Variants in PAX7 observed in about 807,000 individuals in gnomAD.
The protein encoded by PAX7 is paired box 7.
Under a neutral mutation model 50.7 loss-of-function variants are expected in PAX7, and 18 were observed. That is an observed-to-expected ratio of 0.36 (90% CI 0.25 to 0.53). The LOEUF is 0.53. Among genes scored for constraint, PAX7 ranks in the 20% least tolerant of loss-of-function variants. PAX7 has a pLI of 0.93. For missense variants in PAX7, 644 were observed against 702.9 expected (o/e 0.92, Z 0.95); for synonymous variants, 310 against 290.4 (o/e 1.07, Z -0.69).
intron 7 of PAX7, among the ~76,000 whole-genome samples, chr1:18,704,428 C>T (rs912186609): frequency 6.6e-6 from 1 of 152,138 alleles, no homozygotes; most frequent in Non-Finnish European, 1.5e-5. Flanking sequence ...CGAGACCAGC[C>T]TGGCCAGTAC....
At chr1:18,732,434 C>T (rs1030554946) in intron 7 of PAX7, among the ~76,000 whole-genome samples, 8 of 152,194 alleles carry the variant, frequency 5.3e-5, no homozygotes, top group Non-Finnish European at 1.0e-4. Flanking sequence ...ACTACAGAGA[C>T]GGACAAAATG....
At chr1:18,713,468 A>G (rs1173431668) in intron 7 of PAX7, among the ~76,000 whole-genome samples, 2 of 152,210 alleles carry the variant, frequency 1.3e-5, no homozygotes. Context: ...CATTCTCAGG[A>G]GGATTTTGAG....
At chr1:18,722,630 G>T (rs1463072911) in intron 7 of PAX7, among the ~76,000 whole-genome samples, 1 of 152,182 alleles carries the variant, frequency 6.6e-6, no homozygotes, top group Admixed American at 6.5e-5. Flanking sequence ...TGTGGGTGAG[G>T]CGGCAGGGCG....
intron 8 of PAX7, among the ~76,000 whole-genome samples, chr1:18,743,791 C>A (rs1931281051): frequency 6.6e-6 from 1 of 152,224 alleles, no homozygotes; most frequent in African/African-American, 2.4e-5. Context: ...AGGCAGGTAC[C>A]TGGCTGAGTT....
chr1:18,693,274 A>T (rs2089102360), intron 5 of PAX7, among the ~76,000 whole-genome samples: 1 of 152,144 alleles, frequency 6.6e-6, no homozygotes, highest in African/African-American at 2.4e-5. Flanking sequence ...CCCGGCACCC[A>T]CTTGGTGCCA....
At chr1:18,696,071 T>C (rs961254756) in intron 5 of PAX7, among the ~76,000 whole-genome samples, 7 of 150,208 alleles carry the variant, frequency 4.7e-5, no homozygotes, top group East Asian at 1.9e-4. Flanking sequence ...TTTTCTTTTT[T>C]TTTTTTTTTT....
At chr1:18,702,992 G>A (rs1416465) in intron 6 of PAX7, 102 bp from the exon 7 acceptor site, 99,543 of 1,071,222 alleles carry the variant, frequency 0.093, 5,224 homozygotes, top group Admixed American at 0.11. Flanking sequence ...TCCAAGGAAT[G>A]GAGACCGGGA....
intron 4 of PAX7, among the ~76,000 whole-genome samples, chr1:18,683,674 T>A (rs750432520): frequency 1.3e-5 from 2 of 152,122 alleles, no homozygotes; most frequent in Non-Finnish European, 2.9e-5. Context: ...ACCTTGTCTC[T>A]GCTAAAAATA....
chr1:18,652,606 A>G (rs944057380), intron 4 of PAX7, among the ~76,000 whole-genome samples: 15 of 152,350 alleles, frequency 9.8e-5, no homozygotes, highest in African/African-American at 3.6e-4. Context: ...TATGGAAAAC[A>G]TCTACTACTT....
chr1:18,641,702 G>A (rs531060818), intron 4 of PAX7, among the ~76,000 whole-genome samples: 3 of 152,336 alleles, frequency 2.0e-5, no homozygotes, highest in East Asian at 3.9e-4. Flanking sequence ...TTGAAAAGAC[G>A]AGGCTGGGGG....
intron 4 of PAX7, among the ~76,000 whole-genome samples, chr1:18,668,199 C>G (rs2088696721): frequency 6.6e-6 from 1 of 152,184 alleles, no homozygotes; most frequent in Non-Finnish European, 1.5e-5. Flanking sequence ...GCAGCCCAGG[C>G]TGAGAAGTTC....
intron 7 of PAX7, among the ~76,000 whole-genome samples, chr1:18,709,580 T>A (rs2089325497): frequency 6.6e-6 from 1 of 152,214 alleles, no homozygotes; most frequent in Non-Finnish European, 1.5e-5. Context: ...CAGGTCCCGA[T>A]GGGCCTGAAT....
Position 18,691,703 on chromosome 1 carries a change from C to T in PAX7, c.587-51C>T, listed in dbSNP as rs909208140. 3 of 1,516,912 alleles carry T rather than the reference C, an allele frequency of 2.0e-6. No individual in the cohort carries two copies. The African/African-American group carries it at 4.1e-5, about 21-fold the overall frequency. The allele number at this position is 1,516,912 out of a possible 1,614,324, so 94.0% of individuals were successfully genotyped here. A position where few individuals can be genotyped will look rare whatever the true frequency, so the allele number is the denominator to read the frequency against. ...TGCTCTCCTCCCAGACCCCGGCACC[C>T]TTCCATCTCTCTAAGCCCCTGCCTT... On this transcript the variant is annotated intron_variant, in intron 4 of 8. Transcript: ENST00000420770.
Position 18,726,582 on chromosome 1 carries a change from C to A in PAX7, c.1156-9050C>A, listed in dbSNP as rs2089574561. Among the ~76,000 whole-genome samples the A allele has an allele frequency of 6.6e-6, 1 of 152,130 alleles. No individual in the cohort carries two copies. The highest frequency in any genetic ancestry group is 1.5e-5 in the Non-Finnish European group (1 of 68,024). ...CAAGAAAACAACAAACAGGGTGAGG[C>A]TCAGTCTGTTCCCAGGCAGAGGGTT... On this transcript the variant is annotated intron_variant, in intron 7 of 8. Coordinates refer to ENST00000420770, the MANE Select transcript of PAX7 (RefSeq NM_001135254.2). This position sits in a 1 kb window ranked among gnomAD's most constrained non-coding sequence, Gnocchi z 4.8.
chr1:18,746,882 A>C lies in PAX7; in HGVS notation c.*1953A>C, dbSNP rs939763748. 6.9e-5 allele frequency: 16 copies of C among 231,522 alleles called. No individual in the cohort carries two copies. The highest frequency in any genetic ancestry group is 3.4e-4 in the Admixed American group (6 of 17,716). The allele number at this position is 231,522 out of a possible 1,614,324, so 14.3% of individuals were successfully genotyped here. On this transcript the variant is annotated 3_prime_UTR_variant, in exon 9 of 9. Coordinates refer to ENST00000420770, the MANE Select transcript of PAX7 (RefSeq NM_001135254.2). The stretch of plus-strand genomic sequence containing the variant: ...CTGGCTCATATCTCTGGTTTAGAGA[A>C]ACCTATGAATAACTGGGGACAAACA...
At position 18,636,356 on chromosome 1, in the gene PAX7, A is replaced by G; in HGVS notation, c.571A>G (p.Ile191Val). 6.2e-7 allele frequency: 1 copy of G among 1,614,204 alleles called. No individual in the cohort carries two copies. Among genetic ancestry groups the G allele is most frequent in the South Asian group, 1.1e-5 (1 of 91,086 alleles). The change falls in exon 4 of 9, where the codon ATC becomes GTC. Residue 191 changes from isoleucine (I) to valine (V), a missense_variant. Ile to Val is a conservative substitution (Grantham distance 29, BLOSUM62 3). Transcript: ENST00000420770. This position sits in a 1 kb window ranked among gnomAD's most constrained non-coding sequence, Gnocchi z 5.1. ...GAAGGCCAAACACAGCATCGACGGC[A>G]TCCTGGGCGACAAAGGTAGGGAACT... ...EKKAKHSIDGILGDKGNRLDE... is the reference protein window; with the variant it reads ...EKKAKHSIDGVLGDKGNRLDE...
At chr1:18,676,121 A>T (rs879852422) in intron 4 of PAX7, among the ~76,000 whole-genome samples, 1 of 152,180 alleles carries the variant, frequency 6.6e-6, no homozygotes, top group Admixed American at 6.5e-5. Context: ...AAAAATCACC[A>T]TTAGAGTACG....
rs1217516173 is a variant in PAX7, at chr1:18,632,255, A to C, written c.85+567A>C. On this transcript the variant is annotated intron_variant, in intron 1 of 8. Coordinates refer to ENST00000420770, the MANE Select transcript of PAX7 (RefSeq NM_001135254.2). The surrounding 1 kb of genome is among the most constrained non-coding windows in gnomAD (Gnocchi z 6.3). ...AACTAATTGGAAATAATAATTAGTAATGATTTTCCCCCTAAAACTTTTTAC... is the reference window on the plus strand; with the variant it reads ...AACTAATTGGAAATAATAATTAGTACTGATTTTCCCCCTAAAACTTTTTAC... Among the ~76,000 whole-genome samples the C allele has an allele frequency of 6.6e-6, 1 of 152,216 alleles. No individual in the cohort carries two copies. The highest frequency in any genetic ancestry group is 2.4e-5 in the African/African-American group (1 of 41,450).
At chr1:18,717,382 G>A (rs1279024434) in intron 7 of PAX7, among the ~76,000 whole-genome samples, 1 of 152,204 alleles carries the variant, frequency 6.6e-6, no homozygotes, top group African/African-American at 2.4e-5. Flanking sequence ...TCCCTCGGGA[G>A]CGCCCCGTTC....
Sources: allele counts gnomAD v4.1 joint callset (sites outside exome capture counted in the v4.1 genomes callset), GRCh38; gene constraint gnomAD v4.1.1; non-coding constraint Gnocchi (gnomAD v3.1); transcripts MANE v1.5; gene names NCBI Gene and HGNC (gene_info 2026-07-23, HGNC 2026-07-21).